WWC1: variants seen among roughly 807,000 people sequenced by gnomAD.
WWC1 encodes the protein WW and C2 domain containing 1, also known as protein KIBRA.
In WWC1, 55 loss-of-function variants were observed where a neutral mutation model predicts 138.4. The ratio of observed to expected loss-of-function variants is 0.40; its 90% CI spans 0.32 to 0.50. The LOEUF (loss-of-function observed/expected upper bound fraction) is 0.50, where lower values mean the gene tolerates loss of function less well. Ranked by LOEUF, WWC1 falls within the 20% of genes least tolerant of loss-of-function variation. The pLI is 0.72. For missense variants in WWC1, 1,226 were observed against 1,420.4 expected (o/e 0.86, Z 2.20); for synonymous variants, 524 against 564.9 (o/e 0.93, Z 1.03).
At chr5:168,435,953 C>A (rs1782318290) in intron 15 of WWC1, among the ~76,000 whole-genome samples, 2 of 152,140 alleles carry the variant, frequency 1.3e-5, no homozygotes, top group South Asian at 4.2e-4. Flanking sequence ...AACCATTCTC[C>A]TGCCTCAGCC....
intron 1 of WWC1, among the ~76,000 whole-genome samples, chr5:168,297,386 G>A (rs1420982105): frequency 6.6e-6 from 1 of 152,152 alleles, no homozygotes; most frequent in East Asian, 1.9e-4. Context: ...CAGCACTTTG[G>A]GAGGCTGAGG....
At chr5:168,295,017 A>AG (rs982963205) in intron 1 of WWC1, among the ~76,000 whole-genome samples, 2 of 151,994 alleles carry the variant, frequency 1.3e-5, no homozygotes, top group African/African-American at 2.4e-5. Context: ...TGGGGTCCTG[A>AG]GGGGGTCTCA....
chr5:168,408,139 A>T (rs1376963722), intron 6 of WWC1, among the ~76,000 whole-genome samples: 2 of 149,538 alleles, frequency 1.3e-5, no homozygotes, highest in Admixed American at 1.4e-4. Context: ...AAGCACTGGG[A>T]TTACAGGCAT....
chr5:168,451,247 C>G (rs1755790021), intron 17 of WWC1, among the ~76,000 whole-genome samples: 1 of 151,742 alleles, frequency 6.6e-6, no homozygotes, highest in Non-Finnish European at 1.5e-5. Context: ...GTCTCGAACT[C>G]CTGACCTCAG....
intron 4 of WWC1, among the ~76,000 whole-genome samples, chr5:168,398,659 A>G (rs1259615438): frequency 6.6e-6 from 1 of 152,188 alleles, no homozygotes; most frequent in East Asian, 1.9e-4. Flanking sequence ...AGTATTTTGA[A>G]TAGTGGTTTA....
chr5:168,459,271 A>AAAAG lies in WWC1; in HGVS notation c.2824-1365_2824-1362dup, dbSNP rs796129111. 2.8e-4 allele frequency among the ~76,000 whole-genome samples: 41 copies of AAAAG among 147,774 alleles called. 1 individual carries two copies. Among genetic ancestry groups the AAAAG allele is most frequent in the African/African-American group, 9.7e-4 (38 of 39,188 alleles). Reference sequence around the variant, plus strand: ...CCCTGTCTCAAAAAAAAAAAAAAAAAAAAGAAAGAAAGAAAGAGAAAGCCC... The same window carrying AAAAG: ...CCCTGTCTCAAAAAAAAAAAAAAAAAAAAGAAAGAAAGAAAGAAAGAGAAAGCCC... On this transcript the variant is annotated intron_variant, in intron 19 of 22. Coordinates refer to ENST00000265293, the MANE Select transcript of WWC1 (RefSeq NM_015238.3).
intron 18 of WWC1, 74 bp downstream of exon 18, chr5:168,454,174 A>C (rs1345237816): frequency 1.0e-5 from 16 of 1,568,260 alleles, no homozygotes; most frequent in Non-Finnish European, 1.4e-5. Context: ...GGCAGTCAGA[A>C]AAGACTCAGA....
chr5:168,353,117 C>T (rs931853080), intron 1 of WWC1, among the ~76,000 whole-genome samples: 5 of 152,158 alleles, frequency 3.3e-5, no homozygotes, highest in Non-Finnish European at 5.9e-5. Flanking sequence ...CCTTCTACCC[C>T]ACAGATAGCC....
chr5:168,430,313 T>G, intron 14 of WWC1, 90 bp downstream of exon 14: 1 of 1,062,984 alleles, frequency 9.4e-7, no homozygotes. Context: ...CTGATCCAGT[T>G]ATGGGCCTTG....
chr5:168,361,072 T>C (rs945388159), intron 1 of WWC1, among the ~76,000 whole-genome samples: 3 of 152,184 alleles, frequency 2.0e-5, no homozygotes, highest in Admixed American at 1.3e-4. Context: ...GGTGCTGTGT[T>C]GAGTCTTGTC....
chr5:168,338,728 A>G (rs1020315517), intron 1 of WWC1, among the ~76,000 whole-genome samples: 2 of 152,108 alleles, frequency 1.3e-5, no homozygotes, highest in Admixed American at 6.6e-5. Flanking sequence ...ATCAGAAGGG[A>G]TTTTTCCTGC....
chr5:168,408,412 T>A, intron 6 of WWC1, 95 bp from the exon 7 acceptor site: 1 of 1,450,528 alleles, frequency 6.9e-7, no homozygotes, highest in African/African-American at 1.4e-5. Flanking sequence ...GTTCCTAAAT[T>A]AAGGGAGGGT....
chr5:168,370,223 G>T (rs573926192), intron 1 of WWC1, among the ~76,000 whole-genome samples: 1 of 152,094 alleles, frequency 6.6e-6, no homozygotes, highest in Admixed American at 6.6e-5. Flanking sequence ...CTTATTGAGC[G>T]CCAATTGTGC....
intron 1 of WWC1, among the ~76,000 whole-genome samples, chr5:168,363,945 T>A (rs1776088526): frequency 6.6e-6 from 1 of 152,096 alleles, no homozygotes; most frequent in African/African-American, 2.4e-5. Flanking sequence ...GTGGTGATGG[T>A]GGTGATGATA....
chr5:168,397,891 C>T (rs947370817), intron 4 of WWC1, 91 bp downstream of exon 4: 6 of 1,406,952 alleles, frequency 4.3e-6, no homozygotes, highest in East Asian at 2.3e-5. Context: ...AACAGATGCT[C>T]CAGCCAGGCT....
chr5:168,375,335 C>T (rs1022278168), intron 2 of WWC1, among the ~76,000 whole-genome samples: 4 of 151,950 alleles, frequency 2.6e-5, no homozygotes, highest in Non-Finnish European at 5.9e-5. Flanking sequence ...TTGGAAGCCA[C>T]GTGAAGGAAA....
chr5:168,302,791 T>C (rs1263550730), intron 1 of WWC1, among the ~76,000 whole-genome samples: 1 of 152,184 alleles, frequency 6.6e-6, no homozygotes, highest in Non-Finnish European at 1.5e-5. Context: ...TTGGATAGTG[T>C]ACCTGTAATA....
chr5:168,452,552 C>T (rs1176268368), intron 17 of WWC1, among the ~76,000 whole-genome samples: 2 of 152,170 alleles, frequency 1.3e-5, no homozygotes, highest in Non-Finnish European at 2.9e-5. Flanking sequence ...GCATGGATTT[C>T]CAGCCTCCAG....
chr5:168,455,556 G>A (rs903676094), intron 19 of WWC1, 36 bp downstream of exon 19: 2 of 1,596,624 alleles, frequency 1.3e-6, no homozygotes, highest in Non-Finnish European at 1.7e-6. Flanking sequence ...GCTCCCCTCA[G>A]GGTAGCCGAG....
Sources: allele counts gnomAD v4.1 joint callset (sites outside exome capture counted in the v4.1 genomes callset), GRCh38; gene constraint gnomAD v4.1.1; transcripts MANE v1.5; gene names NCBI Gene and HGNC (gene_info 2026-07-23, HGNC 2026-07-21).